TBXAS1: variants seen among roughly 807,000 people sequenced by gnomAD.
TBXAS1 encodes thromboxane A synthase 1.
In TBXAS1, 48 loss-of-function variants were observed where a neutral mutation model predicts 60.7. The ratio of observed to expected loss-of-function variants is 0.79; its 90% confidence interval spans 0.63 to 1.01. TBXAS1 has a LOEUF of 1.01. TBXAS1 is among the 50% of genes least tolerant of loss of function. TBXAS1 has a pLI of 0.00. For missense variants in TBXAS1, 685 were observed against 686.3 expected, an observed-to-expected ratio of 1.00 and a Z score of 0.02; for synonymous variants, 287 against 269.7, an observed-to-expected ratio of 1.06 and a Z score of -0.63.
intron 3 of TBXAS1, among the ~76,000 whole-genome samples, chr7:139,908,344 G>A (rs1348107124): frequency 6.6e-6 from 1 of 151,754 alleles, no homozygotes; most frequent in Non-Finnish European, 1.5e-5. Flanking sequence ...TTGATATATT[G>A]TTATCTAGTC....
At chr7:139,905,005 C>CTCTCTCTTTCTTTCTT (rs1804891084) in intron 3 of TBXAS1, among the ~76,000 whole-genome samples, 1 of 90,420 alleles carries the variant, frequency 1.1e-5, no homozygotes, top group East Asian at 3.1e-4. Flanking sequence ...CTCTCTTTCT[C>CTCTCTCTTTCTTTCTT]TCTTTCTTTC....
At chr7:139,967,475 G>A (rs1197622206) in intron 9 of TBXAS1, among the ~76,000 whole-genome samples, 1 of 152,198 alleles carries the variant, frequency 6.6e-6, no homozygotes, top group African/African-American at 2.4e-5. Flanking sequence ...TGAGGATGGG[G>A]GTAGGAGAGA....
In TBXAS1 at chr7:139,833,535, A is replaced by T. The variant is rs1798851624; in HGVS notation, c.89+4056A>T. On this transcript the variant is annotated intron_variant, in intron 1 of 12. Transcript: ENST00000448866. ...AAAAAAAAAAAAAAAAAAAAAAAAA[A>T]TTAGAGGGGTGTGGTGGTAGGTGCC... is the stretch of plus-strand genomic sequence containing the variant. Among the ~76,000 whole-genome samples, 6 of 116,902 alleles carry T rather than the reference A, an allele frequency of 5.1e-5. No individual in the cohort carries two copies. In the South Asian group the frequency reaches 1.3e-3, roughly 24 times the overall value. 76.7% of individuals were successfully genotyped at this position (116,902 alleles called of 152,430 possible). A position where few individuals can be genotyped will look rare whatever the true frequency, so the allele number is the denominator to read the frequency against.
chr7:139,936,431 T>G (rs1807797342), intron 5 of TBXAS1, 124 bp downstream of exon 5: 2 of 970,054 alleles, frequency 2.1e-6, no homozygotes, highest in Non-Finnish European at 3.3e-6. Context: ...CCTTTCCCAC[T>G]GGGACCTTCA....
chr7:139,849,448 A>C (rs1227643488), intron 1 of TBXAS1, among the ~76,000 whole-genome samples: 1 of 152,122 alleles, frequency 6.6e-6, no homozygotes, highest in African/African-American at 2.4e-5. Flanking sequence ...ATAGTGATGC[A>C]GAATTTTCCC....
chr7:139,782,230 G>A lies in TBXAS1; in HGVS notation c.-232-436G>A, dbSNP rs191954315. 2.0e-5 allele frequency among the ~76,000 whole-genome samples: 3 copies of A among 150,886 alleles called. No homozygotes were observed. In the East Asian group the frequency reaches 5.8e-4, roughly 29 times the overall value. The stretch of plus-strand genomic sequence containing the variant: ...TTTTTTTTTTTTTTAACAGTACATG[G>A]AACTCTAGGTTGCCAAAATACCATT... On this transcript the variant is annotated intron_variant, in intron 2 of 16. Transcript: ENST00000336425.
chr7:139,902,854 CTAA>C (rs1247049444), intron 3 of TBXAS1, among the ~76,000 whole-genome samples: 1 of 152,138 alleles, frequency 6.6e-6, no homozygotes, highest in Non-Finnish European at 1.5e-5. Flanking sequence ...TCACCAATGG[CTAA>C]TAATGTTAAA....
At chr7:139,925,285 A>C (rs1311934971) in intron 4 of TBXAS1, among the ~76,000 whole-genome samples, 1 of 152,164 alleles carries the variant, frequency 6.6e-6, no homozygotes, top group African/African-American at 2.4e-5. Flanking sequence ...TGAGTATGGA[A>C]TATCTTTCCA....
intron 1 of TBXAS1, among the ~76,000 whole-genome samples, chr7:139,854,475 CA>C (rs773892795): frequency 2.6e-5 from 4 of 152,144 alleles, no homozygotes; most frequent in Admixed American, 2.0e-4. Context: ...TGCATATGAG[CA>C]AGCTTCTTCT....
At chr7:139,875,039 G>A (rs993311931) in intron 2 of TBXAS1, among the ~76,000 whole-genome samples, 1 of 152,142 alleles carries the variant, frequency 6.6e-6, no homozygotes, top group Non-Finnish European at 1.5e-5. Flanking sequence ...AGGTTGCAAC[G>A]AGCTGAGATC....
intron 4 of TBXAS1, among the ~76,000 whole-genome samples, chr7:139,929,586 T>C (rs573929043): frequency 1.3e-5 from 2 of 152,182 alleles, no homozygotes; most frequent in Admixed American, 1.3e-4. Flanking sequence ...TACTGACATA[T>C]TGATTCTTTG....
chr7:139,987,302 C>G (rs1463959805), intron 9 of TBXAS1, among the ~76,000 whole-genome samples: 1 of 152,172 alleles, frequency 6.6e-6, no homozygotes, highest in African/African-American at 2.4e-5. Flanking sequence ...CCTTTCCACA[C>G]CAGAGCCCCA....
chr7:140,014,726 T>G (rs1814880933), intron 10 of TBXAS1, among the ~76,000 whole-genome samples: 1 of 151,750 alleles, frequency 6.6e-6, no homozygotes, highest in Non-Finnish European at 1.5e-5. Flanking sequence ...CTGACCAACA[T>G]GGTGAAACCA....
rs111954003 is a variant in TBXAS1, at chr7:139,847,944, C to T, written c.89+18465C>T. 7.3e-3 allele frequency among the ~76,000 whole-genome samples: 1,109 copies of T among 152,246 alleles called. 6 individuals carry two copies. The highest frequency in any genetic ancestry group is 0.012 in the Non-Finnish European group (802 of 68,018). On this transcript the variant is annotated intron_variant, in intron 1 of 12. Coordinates refer to ENST00000448866, the MANE Select transcript of TBXAS1 (RefSeq NM_001061.7). The stretch of plus-strand genomic sequence containing the variant: ...TCAAGTGATCCTTTCACCTCAGCCT[C>T]TCAAGTAGCTAGAACTATAGACATG...
intron 3 of TBXAS1, among the ~76,000 whole-genome samples, chr7:139,892,274 G>A (rs1038832825): frequency 2.6e-5 from 4 of 152,266 alleles, no homozygotes; most frequent in African/African-American, 7.2e-5. Flanking sequence ...GAATGAATGA[G>A]TCATTTATCA....
At chr7:139,968,444 G>A (rs149660613) in intron 9 of TBXAS1, among the ~76,000 whole-genome samples, 1,608 of 152,232 alleles carry the variant, frequency 0.011, 13 homozygotes, top group Non-Finnish European at 0.018. Flanking sequence ...ACAGGTGTGT[G>A]CCACCATGCC....
intron 1 of TBXAS1, among the ~76,000 whole-genome samples, chr7:139,847,743 C>A (rs1007263316): frequency 6.6e-6 from 1 of 152,232 alleles, no homozygotes; most frequent in African/African-American, 2.4e-5. Context: ...TCAAGGCCAC[C>A]ATTAAGTCTC....
chr7:139,786,574 A>T (rs2117234625), intron 3 of TBXAS1, among the ~76,000 whole-genome samples: 1 of 152,028 alleles, frequency 6.6e-6, no homozygotes, highest in Non-Finnish European at 1.5e-5. Context: ...TTTTCATATA[A>T]TCCTGAAGCT....
At chr7:139,952,610 A>G in intron 5 of TBXAS1, 1 of 1,537,296 alleles carries the variant, frequency 6.5e-7, no homozygotes, top group Non-Finnish European at 8.7e-7. Context: ...AGCAGGCTCC[A>G]CAAAGAATTC....
Sources: gnomAD v4.1 joint callset for allele counts (sites outside exome capture counted in the v4.1 genomes callset) on GRCh38, gnomAD v4.1.1 for gene constraint, MANE v1.5 for transcripts, NCBI Gene and HGNC (gene_info 2026-07-23, HGNC 2026-07-21) for gene names.